The following ZNF831 variants were observed in gnomAD, a reference collection of about 807,000 sequenced individuals.
ZNF831 encodes the protein chromosome 20 open reading frame 174.
ZNF831 carries 59 observed loss-of-function variants against 95.8 expected under a neutral mutation model. That is an observed-to-expected ratio of 0.62 (90% CI 0.50 to 0.77). The LOEUF (loss-of-function observed/expected upper bound fraction) is 0.77. Among genes scored for constraint, ZNF831 ranks in the 30% least tolerant of loss-of-function variants. ZNF831 has a pLI of 0.00. For missense variants in ZNF831, 2,205 were observed against 2,164.0 expected (o/e 1.02, Z -0.38); for synonymous variants, 961 against 925.5 (o/e 1.04, Z -0.70).
At chr20:59,138,696 C>T (rs559089066) in intron 1 of ZNF831, among the ~76,000 whole-genome samples, 2 of 152,348 alleles carry the variant, frequency 1.3e-5, no homozygotes, top group East Asian at 3.9e-4. Context: ...TACACCTTTT[C>T]TTTTCCTTTG....
At chr20:59,128,526 C>A (rs948970810) in intron 1 of ZNF831, among the ~76,000 whole-genome samples, 3 of 152,208 alleles carry the variant, frequency 2.0e-5, no homozygotes, top group African/African-American at 7.2e-5. Context: ...CAGGAGGCAG[C>A]ATGGCAGAGA....
chr20:59,229,052 G>A (rs1409571915), intron 4 of ZNF831, among the ~76,000 whole-genome samples: 1 of 152,150 alleles, frequency 6.6e-6, no homozygotes, highest in Non-Finnish European at 1.5e-5. Flanking sequence ...GTGAGAACAT[G>A]TGATGTTTTT....
chr20:59,160,915 G>A (rs1013894952), upstream of ZNF831: 8 of 151,708 alleles, frequency 5.3e-5, no homozygotes, highest in African/African-American at 1.9e-4. Flanking sequence ...ATATCTTTGT[G>A]TTTGTTTGTT....
chr20:59,191,397 G>C lies in ZNF831; in HGVS notation c.378G>C (p.Pro126=), dbSNP rs1180091062. The C allele has an allele frequency of 6.2e-7, 1 of 1,609,928 alleles. No individual in the cohort carries two copies. The highest frequency in any genetic ancestry group is 8.5e-7 in the Non-Finnish European group (1 of 1,178,314). Residue 126 remains proline (P), a synonymous_variant, in exon 2 of 6, where the codon CCG becomes CCC. Coordinates refer to ENST00000371030, the MANE Select transcript of ZNF831 (RefSeq NM_178457.3). ...TGGGCACTCTGCCTGTCCTGTCGCC[G>C]GGCCTGGGCCCCACGCTGGGCAGCC... The part of the protein sequence containing the change: ...NIVGTLPVLS[P]GLGPTLGSPG...
chr20:59,247,417 A>G (rs538344300), intron 4 of ZNF831, among the ~76,000 whole-genome samples: 1 of 152,046 alleles, frequency 6.6e-6, no homozygotes, highest in South Asian at 2.1e-4. Context: ...CCACAGAACA[A>G]ATGCCCTGTG....
chr20:59,179,780 C>T (rs952877440), intron 1 of ZNF831, among the ~76,000 whole-genome samples: 1 of 152,200 alleles, frequency 6.6e-6, no homozygotes, highest in African/African-American at 2.4e-5. Context: ...AGATCCTTAA[C>T]TTAATGATAT....
Position 59,191,640 on chromosome 20 carries a change from G to A in ZNF831, c.621G>A (p.Glu207=), listed in dbSNP as rs911573467. The change falls in exon 2 of 6, where the codon GAG becomes GAA. Residue 207 remains glutamate (E), a synonymous_variant. Transcript: ENST00000371030. Reference sequence around the variant, plus strand: ...ACTCCCGGCTGTCCTCAGAGTCCGAGGGCGCCGGGGGCGGCCTCCTGGAGG... The same window carrying A: ...ACTCCCGGCTGTCCTCAGAGTCCGAAGGCGCCGGGGGCGGCCTCCTGGAGG... ...LNNSRLSSES[E]GAGGGLLEEG... The A allele has an allele frequency of 4.5e-6, 7 of 1,566,246 alleles. No individual in the cohort carries two copies. The highest frequency in any genetic ancestry group is 6.1e-6 in the Non-Finnish European group (7 of 1,155,610).
chr20:59,233,500 C>A (rs1398482770), intron 4 of ZNF831, among the ~76,000 whole-genome samples: 1 of 152,082 alleles, frequency 6.6e-6, no homozygotes, highest in Non-Finnish European at 1.5e-5. Context: ...GACAGACCAA[C>A]AAACACACAC....
intron 4 of ZNF831, among the ~76,000 whole-genome samples, chr20:59,210,526 C>G (rs1212033869): frequency 6.6e-6 from 1 of 152,224 alleles, no homozygotes; most frequent in Non-Finnish European, 1.5e-5. Context: ...ACAGGGGACA[C>G]AGTTCCCAAC....
chr20:59,141,994 G>A (rs1411226969), intron 1 of ZNF831, among the ~76,000 whole-genome samples: 1 of 152,186 alleles, frequency 6.6e-6, no homozygotes, highest in Non-Finnish European at 1.5e-5. Flanking sequence ...AAACTCACAT[G>A]GCTTGGCCGC....
At position 59,257,044 on chromosome 20, in the gene ZNF831, G is replaced by A. The variant is rs8116700; in HGVS notation, c.*2301G>A. On this transcript the variant is annotated 3_prime_UTR_variant, in exon 6 of 6. Coordinates refer to ENST00000371030, the MANE Select transcript of ZNF831 (RefSeq NM_178457.3). The stretch of plus-strand genomic sequence containing the variant: ...TGGGTGGCTACTGTGGAATCAACGG[G>A]GTCACTGGCTGTAAATCAGTAAGTC... 0.2 allele frequency: 29,992 copies of A among 152,178 alleles called. 7,214 individuals carry two copies. The highest frequency in any genetic ancestry group is 0.58 in the African/African-American group (23,865 of 41,422). The allele number at this position is 152,178 out of a possible 1,614,324, so 9.4% of individuals were successfully genotyped here. A position where few individuals can be genotyped will look rare whatever the true frequency, so the allele number is the denominator to read the frequency against.
chr20:59,167,956 G>A (rs1054254458), intron 1 of ZNF831, among the ~76,000 whole-genome samples: 1 of 151,880 alleles, frequency 6.6e-6, no homozygotes, highest in Non-Finnish European at 1.5e-5. Context: ...ACTCATGTCT[G>A]TGTCTATTCT....
chr20:59,214,533 C>T (rs760139229), intron 4 of ZNF831, among the ~76,000 whole-genome samples: 1 of 152,174 alleles, frequency 6.6e-6, no homozygotes, highest in Non-Finnish European at 1.5e-5. Flanking sequence ...CCCTTCTAGC[C>T]CAAGGAGAAA....
chr20:59,170,054 TTTTA>T (rs1981603255), intron 1 of ZNF831, among the ~76,000 whole-genome samples: 1 of 152,144 alleles, frequency 6.6e-6, no homozygotes, highest in African/African-American at 2.4e-5. Flanking sequence ...TATGCTTTCC[TTTTA>T]CTACAGTCAA....
upstream of ZNF831, among the ~76,000 whole-genome samples, chr20:59,161,176 A>G (rs779885014): frequency 6.6e-5 from 10 of 152,194 alleles, no homozygotes; most frequent in Non-Finnish European, 1.0e-4. Flanking sequence ...GGCTTCTAGT[A>G]TATTCACAAG....
intron 4 of ZNF831, among the ~76,000 whole-genome samples, chr20:59,237,891 C>T (rs1987091819): frequency 6.6e-6 from 1 of 152,152 alleles, no homozygotes; most frequent in African/African-American, 2.4e-5. Flanking sequence ...CAGCCCCTGC[C>T]CTGCTTCCTC....
chr20:59,233,004 A>G (rs1028593447), intron 4 of ZNF831, among the ~76,000 whole-genome samples: 1 of 138,364 alleles, frequency 7.2e-6, no homozygotes, highest in African/African-American at 3.0e-5. Context: ...GCACACACAC[A>G]CACACACACA....
chr20:59,216,373 A>C (rs1985681228), intron 4 of ZNF831, among the ~76,000 whole-genome samples: 1 of 152,222 alleles, frequency 6.6e-6, no homozygotes, highest in Admixed American at 6.5e-5. Flanking sequence ...CTAGGGTGAG[A>C]GGCACTTGCC....
upstream of ZNF831, among the ~76,000 whole-genome samples, chr20:59,163,246 A>C (rs1980994432): frequency 6.6e-6 from 1 of 152,266 alleles, no homozygotes; most frequent in Non-Finnish European, 1.5e-5. Flanking sequence ...GTGAAGAGAG[A>C]TAACTTGACT....
Sources: allele counts gnomAD v4.1 joint callset (sites outside exome capture counted in the v4.1 genomes callset), GRCh38; gene constraint gnomAD v4.1.1; transcripts MANE v1.5; gene names NCBI Gene and HGNC (gene_info 2026-07-23, HGNC 2026-07-21).